The following SLC36A1 variants were observed in gnomAD, a reference collection of about 807,000 sequenced individuals.
SLC36A1 encodes the protein proton-coupled amino acid transporter 1.
In SLC36A1, 30 loss-of-function variants were observed where a neutral mutation model predicts 47.5. The ratio of observed to expected loss-of-function variants is 0.63; its 90% CI spans 0.47 to 0.86. The LOEUF (loss-of-function observed/expected upper bound fraction) is 0.86, where lower values mean the gene tolerates loss of function less well. Ranked by LOEUF, SLC36A1 falls within the 40% of genes least tolerant of loss-of-function variation. The pLI is 0.00. For synonymous variants in SLC36A1, 255 were observed against 249.7 expected, an observed-to-expected ratio of 1.02 and a Z score of -0.20; for missense variants, 517 against 606.0, an observed-to-expected ratio of 0.85 and a Z score of 1.54.
At chr5:151,457,134 CTCTT>C (rs1162186653) in intron 1 of SLC36A1, among the ~76,000 whole-genome samples, 3 of 152,104 alleles carry the variant, frequency 2.0e-5, no homozygotes, top group African/African-American at 7.2e-5. Context: ...AGGAAGTTGA[CTCTT>C]TCACTGTGCT....
intron 1 of SLC36A1, among the ~76,000 whole-genome samples, chr5:151,458,339 A>AC (rs1754976134): frequency 9.4e-6 from 1 of 105,920 alleles, no homozygotes; most frequent in African/African-American, 3.5e-5. Context: ...TATATGGGAT[A>AC]TTTATATATA....
chr5:151,408,369 A>T, the SLC36A1 span, among the ~76,000 whole-genome samples: 1 of 152,000 alleles, frequency 6.6e-6, no homozygotes, highest in Non-Finnish European at 1.5e-5. Context: ...TTGTATTTTT[A>T]ATAGTGACAG....
chr5:151,522,984 A>G, the SLC36A1 span, among the ~76,000 whole-genome samples: 1 of 152,176 alleles, frequency 6.6e-6, no homozygotes, highest in African/African-American at 2.4e-5. Context: ...ATGTTTCACC[A>G]CACATCCCTG....
chr5:151,370,122 C>G, the SLC36A1 span, among the ~76,000 whole-genome samples: 2 of 152,100 alleles, frequency 1.3e-5, no homozygotes, highest in African/African-American at 4.8e-5. Context: ...TTTAAAAAGG[C>G]CTTTGTTCCT....
the SLC36A1 span, among the ~76,000 whole-genome samples, chr5:151,421,603 G>A: frequency 6.7e-5 from 9 of 133,730 alleles, no homozygotes; most frequent in African/African-American, 2.6e-4. Context: ...TGTTGTTGTT[G>A]TTTTAGATAG....
At chr5:151,509,889 A>T in the SLC36A1 span, 2 of 1,061,152 alleles carry the variant, frequency 1.9e-6, no homozygotes, top group Middle Eastern at 3.3e-4. Context: ...CTGCCCTAAC[A>T]GATGGAAAAG....
At chr5:151,373,423 C>T in the SLC36A1 span, among the ~76,000 whole-genome samples, 2 of 152,052 alleles carry the variant, frequency 1.3e-5, no homozygotes, top group Non-Finnish European at 2.9e-5. Flanking sequence ...CATTTAGATA[C>T]AGAGAAACAG....
At chr5:151,399,447 G>A in the SLC36A1 span, among the ~76,000 whole-genome samples, 2 of 152,106 alleles carry the variant, frequency 1.3e-5, no homozygotes, top group African/African-American at 4.8e-5. Context: ...TCTGAGCTAT[G>A]TAAGAATAAC....
intron 1 of SLC36A1, 146 bp from the exon 2 acceptor site, chr5:151,458,642 T>G: frequency 1.2e-6 from 1 of 858,774 alleles, no homozygotes; most frequent in South Asian, 1.9e-5. Flanking sequence ...TTTCCCTTGG[T>G]ACCAGGCACT....
the SLC36A1 span, among the ~76,000 whole-genome samples, chr5:151,430,624 G>A: frequency 4.6e-5 from 7 of 152,068 alleles, no homozygotes; most frequent in East Asian, 1.2e-3. Flanking sequence ...GTGCCTGTCC[G>A]TAGAATTAGC....
intron 1 of SLC36A1, 61 bp from the exon 2 acceptor site, chr5:151,458,727 C>G (rs1755065297): frequency 1.9e-6 from 3 of 1,570,218 alleles, no homozygotes; most frequent in Non-Finnish European, 2.6e-6. Context: ...AGAGGCCACC[C>G]CAAATATGGA....
intron 1 of SLC36A1, among the ~76,000 whole-genome samples, chr5:151,458,207 C>T (rs185921160): frequency 4.9e-4 from 73 of 148,640 alleles, no homozygotes; most frequent in Admixed American, 1.0e-3. Context: ...AAAGAGTATA[C>T]GATGAGAAAT....
chr5:151,535,259 T>TA, the SLC36A1 span, among the ~76,000 whole-genome samples: 1 of 151,982 alleles, frequency 6.6e-6, no homozygotes, highest in Non-Finnish European at 1.5e-5. Flanking sequence ...TTGGGTGTGT[T>TA]ATGTTAGGCC....
chr5:151,540,912 T>C, the SLC36A1 span: 3 of 662,362 alleles, frequency 4.5e-6, no homozygotes, highest in East Asian at 5.7e-5. Flanking sequence ...GATTCTACAC[T>C]GAGTCCACTT....
the SLC36A1 span, among the ~76,000 whole-genome samples, chr5:151,499,162 C>T: frequency 6.6e-6 from 1 of 152,216 alleles, no homozygotes; most frequent in African/African-American, 2.4e-5. Flanking sequence ...CTTGGTTGGA[C>T]ACTTTGGATT....
the SLC36A1 span, among the ~76,000 whole-genome samples, chr5:151,552,889 C>T: frequency 1.3e-5 from 2 of 152,228 alleles, no homozygotes; most frequent in African/African-American, 4.8e-5. Context: ...CTGGGTCTTC[C>T]TGAACCATTT....
the SLC36A1 span, chr5:151,517,786 G>T: frequency 6.2e-7 from 1 of 1,613,410 alleles, no homozygotes. Context: ...AACCAAAGCT[G>T]TCACCTCTAC....
At chr5:151,386,080 A>G in the SLC36A1 span, among the ~76,000 whole-genome samples, 1 of 151,452 alleles carries the variant, frequency 6.6e-6, no homozygotes, top group Admixed American at 6.6e-5. Flanking sequence ...GGGTTTCACT[A>G]TGTTGGCCAG....
At chr5:151,536,507 C>A in the SLC36A1 span, among the ~76,000 whole-genome samples, 1 of 152,130 alleles carries the variant, frequency 6.6e-6, no homozygotes, top group African/African-American at 2.4e-5. Flanking sequence ...ATCTCCACAC[C>A]CTCCCCTGCA....
Sources: gnomAD v4.1 joint callset for allele counts (sites outside exome capture counted in the v4.1 genomes callset) on GRCh38, gnomAD v4.1.1 for gene constraint, MANE v1.5 for transcripts, NCBI Gene and HGNC (gene_info 2026-07-23, HGNC 2026-07-21) for gene names.